The following PREP variants were observed in gnomAD, a reference collection of about 807,000 sequenced individuals.
PREP encodes prolyl endopeptidase.
PREP carries 29 observed loss-of-function variants against 87.6 expected under a neutral mutation model. That is an observed-to-expected ratio of 0.33 (90% confidence interval 0.25 to 0.45). PREP has a LOEUF of 0.45. PREP is among the 20% of genes least tolerant of loss of function. The pLI, the probability that PREP is intolerant of heterozygous loss-of-function variation, is 1.00. For missense variants in PREP, 695 were observed against 886.5 expected, an observed-to-expected ratio of 0.78 and a Z score of 2.74; for synonymous variants, 337 against 328.6, an observed-to-expected ratio of 1.03 and a Z score of -0.28.
intron 6 of PREP, among the ~76,000 whole-genome samples, chr6:105,354,720 T>C (rs1014004300): frequency 6.6e-6 from 1 of 152,130 alleles, no homozygotes; most frequent in Non-Finnish European, 1.5e-5. Flanking sequence ...CTCCAGCCTG[T>C]GGGCCTACCC....
At chr6:105,287,035 C>A (rs767981446) in intron 11 of PREP, among the ~76,000 whole-genome samples, 1 of 151,576 alleles carries the variant, frequency 6.6e-6, no homozygotes, top group African/African-American at 2.4e-5. Context: ...CTGAAGCCTG[C>A]ATTTTAATAC....
At chr6:105,402,660 C>G (rs1773466127) in intron 1 of PREP, among the ~76,000 whole-genome samples, 187 bp downstream of exon 1, 1 of 152,168 alleles carries the variant, frequency 6.6e-6, no homozygotes, top group South Asian at 2.1e-4. Context: ...AGAGTGACCG[C>G]CCGCGGGACC....
intron 6 of PREP, among the ~76,000 whole-genome samples, chr6:105,367,524 A>T (rs1222950112): frequency 6.6e-6 from 1 of 152,024 alleles, no homozygotes; most frequent in Non-Finnish European, 1.5e-5. Context: ...ATACAAAAAT[A>T]TGCCGGGCGT....
In PREP at chr6:105,278,176, C is replaced by T. The variant is rs770004782; in HGVS notation, c.2101G>A (p.Ala701Thr). ...ATCCAGTCGACGTTCAGGCACCGCG[C>T]GATGAACGCAAACATGTCTGAGACT... Reference protein sequence around the residue: ...EEVSDMFAFIARCLNVDWIP With the variant: ...EEVSDMFAFITRCLNVDWIP Residue 701 changes from alanine (A) to threonine (T), a missense_variant, in exon 15 of 15, where the codon GCG becomes ACG. Physicochemically the swap from Ala to Thr is moderately conservative, Grantham distance 58. Coordinates refer to ENST00000652536, the MANE Select transcript of PREP (RefSeq NM_002726.5). This position sits in a 1 kb window ranked among gnomAD's most constrained non-coding sequence, Gnocchi z 4.2. 10 of 1,613,310 alleles carry T rather than the reference C, an allele frequency of 6.2e-6. No individual in the cohort carries two copies. The highest frequency in any genetic ancestry group is 2.2e-5 in the East Asian group (1 of 44,862).
At chr6:105,358,301 CTT>C (rs200288928) in intron 6 of PREP, among the ~76,000 whole-genome samples, 1,527 of 152,268 alleles carry the variant, frequency 0.01, 27 homozygotes, top group African/African-American at 0.034. Context: ...GGTTAAAACT[CTT>C]TACCATTTTT....
chr6:105,374,635 TA>T (rs1562221692), intron 4 of PREP, among the ~76,000 whole-genome samples: 24 of 228 alleles, frequency 0.11, no homozygotes, highest in Middle Eastern at 0.5. Flanking sequence ...GAATTGTTTA[TA>T]TATATATATA....
At chr6:105,343,993 C>T (rs1771731633) in intron 7 of PREP, among the ~76,000 whole-genome samples, 1 of 152,180 alleles carries the variant, frequency 6.6e-6, no homozygotes, top group African/African-American at 2.4e-5. Flanking sequence ...ACTAGAAATA[C>T]CATTTGACCC....
At chr6:105,323,201 A>G in intron 10 of PREP, 1 of 1,093,270 alleles carries the variant, frequency 9.1e-7, no homozygotes, top group South Asian at 1.3e-5. Flanking sequence ...TAATTTATTC[A>G]TTCAAATGTT....
chr6:105,360,084 G>A lies in PREP; in HGVS notation c.718-7007C>T, dbSNP rs73516012. On this transcript the variant is annotated intron_variant, in intron 6 of 14. Transcript: ENST00000652536. ...CACTGTTCTTCCACTCAGTGTCCTC[G>A]CCAGGCCCAACAAACAGTTCACTTC... Among the ~76,000 whole-genome samples the A allele has an allele frequency of 4.6e-3, 705 of 152,214 alleles. 12 individuals are homozygous for A. The highest frequency in any genetic ancestry group is 0.016 in the African/African-American group (656 of 41,524).
At chr6:105,370,880 T>C (rs191092863) in intron 5 of PREP, among the ~76,000 whole-genome samples, 21 of 152,308 alleles carry the variant, frequency 1.4e-4, no homozygotes, top group African/African-American at 4.6e-4. Flanking sequence ...AAGGAATGAA[T>C]TGTTAGAAGA....
intron 6 of PREP, among the ~76,000 whole-genome samples, chr6:105,355,680 A>G (rs1047386843): frequency 6.6e-6 from 1 of 152,076 alleles, no homozygotes. Context: ...TCATGTATAT[A>G]TTTTTTGTCC....
At chr6:105,335,067 T>C (rs1417789650) in intron 7 of PREP, among the ~76,000 whole-genome samples, 2 of 152,190 alleles carry the variant, frequency 1.3e-5, no homozygotes, top group Non-Finnish European at 2.9e-5. Flanking sequence ...CTAGAGATGA[T>C]CATCACTAAA....
intron 5 of PREP, among the ~76,000 whole-genome samples, chr6:105,373,112 C>A (rs1772599357): frequency 6.6e-6 from 1 of 152,220 alleles, no homozygotes; most frequent in South Asian, 2.1e-4. Context: ...ACCACAGATA[C>A]ATGTTAGAAC....
At chr6:105,354,793 T>C (rs532396806) in intron 6 of PREP, among the ~76,000 whole-genome samples, 9 of 149,410 alleles carry the variant, frequency 6.0e-5, no homozygotes, top group African/African-American at 2.3e-4. Flanking sequence ...ACAAATCCTC[T>C]CTATGTATAT....
chr6:105,281,392 C>CTTTAAGGGTTTATGT (rs1770078528), intron 14 of PREP: 1 of 168,306 alleles, frequency 5.9e-6, no homozygotes, highest in South Asian at 1.6e-4. Flanking sequence ...TGTGCTCAGC[C>CTTTAAGGGTTTATGT]TTTAAGGGTT....
chr6:105,303,187 C>G (rs1770581332), intron 10 of PREP, among the ~76,000 whole-genome samples: 1 of 152,122 alleles, frequency 6.6e-6, no homozygotes, highest in Admixed American at 6.5e-5. Context: ...GGCTCAGCCT[C>G]CTGAGTAGCC....
intron 11 of PREP, among the ~76,000 whole-genome samples, chr6:105,286,654 A>C (rs549858375): frequency 6.6e-6 from 1 of 152,174 alleles, no homozygotes; most frequent in Admixed American, 6.5e-5. Flanking sequence ...AAGGTTCTCA[A>C]TGGTTTGAAT....
Position 105,278,557 on chromosome 6 carries a change from A to G in PREP, c.1839-119T>C, listed in dbSNP as rs1769999459. The stretch of plus-strand genomic sequence containing the variant: ...GTTAACTAGTACGTGAGTGACCACC[A>G]TGGACTGTGCCTATGCGTTACCATT... On this transcript the variant is annotated intron_variant, in intron 14 of 14. Transcript: ENST00000652536. This position sits in a 1 kb window ranked among gnomAD's most constrained non-coding sequence, Gnocchi z 4.2. 1 of 1,053,340 alleles carries G rather than the reference A, an allele frequency of 9.5e-7. No individual in the cohort carries two copies. 65.2% of individuals were successfully genotyped at this position (1,053,340 alleles called of 1,614,324 possible). A position where few individuals can be genotyped will look rare whatever the true frequency, so the allele number is the denominator to read the frequency against.
At chr6:105,398,521 CT>C (rs1773344416) in intron 1 of PREP, among the ~76,000 whole-genome samples, 1 of 152,162 alleles carries the variant, frequency 6.6e-6, no homozygotes, top group African/African-American at 2.4e-5. Context: ...GCCTTTCTTC[CT>C]TTTTATTTAC....
Sources: gnomAD v4.1 joint callset for allele counts (sites outside exome capture counted in the v4.1 genomes callset) on GRCh38, gnomAD v4.1.1 for gene constraint, Gnocchi (gnomAD v3.1) non-coding constraint, MANE v1.5 for transcripts, NCBI Gene and HGNC (gene_info 2026-07-23, HGNC 2026-07-21) for gene names.